Variants in MFNG observed in about 807,000 individuals in gnomAD.
MFNG encodes MFNG O-fucosylpeptide 3-beta-N-acetylglucosaminyltransferase, also known as beta-1,3-N-acetylglucosaminyltransferase manic fringe.
In MFNG, 24 loss-of-function variants were observed where a neutral mutation model predicts 34.2. The observed-to-expected ratio is 0.70, with a 90% CI of 0.51 to 0.99. MFNG has a LOEUF of 0.99. MFNG is among the 50% of genes least tolerant of loss of function. The pLI, the probability that MFNG is intolerant of heterozygous loss-of-function variation, is 0.00. For synonymous variants in MFNG, 158 were observed against 179.2 expected (o/e 0.88, Z 0.94); for missense variants, 383 against 424.0 (o/e 0.90, Z 0.85).
intron 4 of MFNG, 97 bp downstream of exon 4, chr22:37,479,248 A>G (rs1024769721): frequency 1.0e-5 from 14 of 1,359,896 alleles, no homozygotes; most frequent in Non-Finnish European, 1.2e-5. Flanking sequence ...TGAAACCCAG[A>G]ACCCCTCTCA....
chr22:37,481,601 G>A (rs926871950), intron 1 of MFNG, among the ~76,000 whole-genome samples: 2 of 152,222 alleles, frequency 1.3e-5, no homozygotes, highest in Non-Finnish European at 2.9e-5. Context: ...CTGGGGACTG[G>A]TGTTCTTCCC....
chr22:37,475,775 C>G (rs1272017421), intron 5 of MFNG, among the ~76,000 whole-genome samples: 1 of 152,180 alleles, frequency 6.6e-6, no homozygotes, highest in African/African-American at 2.4e-5. Context: ...AGGGCTTTTT[C>G]TAATTCACAC....
chr22:37,481,331 A>T (rs1389941501), intron 1 of MFNG: 1 of 153,528 alleles, frequency 6.5e-6, no homozygotes, highest in Non-Finnish European at 1.5e-5. Context: ...CTTGCCCGCA[A>T]CGACCCTCAA....
intron 1 of MFNG, among the ~76,000 whole-genome samples, chr22:37,481,687 C>G (rs529598973): frequency 2.0e-4 from 30 of 152,294 alleles, no homozygotes; most frequent in African/African-American, 5.8e-4. Flanking sequence ...GCATCAGGGG[C>G]CTTTGAGGGC....
At position 37,483,479 on chromosome 22, in the gene MFNG, G is replaced by A. The variant is rs1268182887; in HGVS notation, c.255+2444C>T. Reference sequence around the variant, plus strand: ...GCTTGGAGCATGGGCCAAATGGGCTGAGGACTGTTTCCCGGTGAAGATCTA... The same window carrying A: ...GCTTGGAGCATGGGCCAAATGGGCTAAGGACTGTTTCCCGGTGAAGATCTA... On this transcript the variant is annotated intron_variant, in intron 1 of 7. Transcript: ENST00000356998. The surrounding 1 kb of genome is among the most constrained non-coding windows in gnomAD (Gnocchi z 4.5). Among the ~76,000 whole-genome samples the A allele has an allele frequency of 6.6e-6, 1 of 151,274 alleles. No homozygotes were observed. The highest frequency in any genetic ancestry group is 6.6e-5 in the Admixed American group (1 of 15,110).
chr22:37,474,426 T>C, intron 6 of MFNG, 86 bp downstream of exon 6: 1 of 1,488,808 alleles, frequency 6.7e-7, no homozygotes, highest in Non-Finnish European at 9.1e-7. Flanking sequence ...CAGGTTTCTT[T>C]CAAACGCCAG....
Position 37,482,452 on chromosome 22 carries a change from C to T in MFNG, c.256-1683G>A, listed in dbSNP as rs940548535. Among the ~76,000 whole-genome samples the T allele has an allele frequency of 2.7e-5, 4 of 150,580 alleles. No homozygotes were observed. Among genetic ancestry groups the T allele is most frequent in the East Asian group, 2.0e-4 (1 of 4,956 alleles). On this transcript the variant is annotated intron_variant, in intron 1 of 7. Coordinates refer to ENST00000356998, the MANE Select transcript of MFNG (RefSeq NM_002405.4). This position sits in a 1 kb window ranked among gnomAD's most constrained non-coding sequence, Gnocchi z 4.1. ...TCTCACACACACACACGCACACACA[C>T]GCACGCATACACACACACACACACA...
In MFNG at chr22:37,472,132, A is replaced by G. The variant is rs150724311; in HGVS notation, c.899+311T>C. On this transcript the variant is annotated intron_variant, in intron 7 of 7. Transcript: ENST00000356998. ...AGCGTTGCCTGTGCTCAGGGAAGGC[A>G]TTTCAGCCTTCCAGGGACTCCCAAA... Among the ~76,000 whole-genome samples, 179 of 152,304 alleles carry G rather than the reference A, an allele frequency of 1.2e-3. 3 individuals carry two copies. In the East Asian group the frequency reaches 0.032, roughly 27 times the overall value.
At chr22:37,471,759 G>A (rs1349735734) in intron 7 of MFNG, among the ~76,000 whole-genome samples, 1 of 151,154 alleles carries the variant, frequency 6.6e-6, no homozygotes, top group Non-Finnish European at 1.5e-5. Flanking sequence ...TGAACCCGGG[G>A]GGCGGAGGTT....
chr22:37,474,365 C>T (rs1921943575), intron 6 of MFNG, 147 bp downstream of exon 6: 13 of 920,828 alleles, frequency 1.4e-5, no homozygotes, highest in Non-Finnish European at 1.9e-5. Context: ...CCACCCTAGG[C>T]CTCAGTTTCC....
Position 37,476,279 on chromosome 22 carries a change from C to T in MFNG, c.647+617G>A, listed in dbSNP as rs188332976. On this transcript the variant is annotated intron_variant, in intron 5 of 7. Coordinates refer to ENST00000356998, the MANE Select transcript of MFNG (RefSeq NM_002405.4). ...ACCCCCACCCACACTGCGGCCTCCACTACCCCTGAGATCCCCTCATAATAT... is the reference window on the plus strand; with the variant it reads ...ACCCCCACCCACACTGCGGCCTCCATTACCCCTGAGATCCCCTCATAATAT... Among the ~76,000 whole-genome samples, 383 of 152,080 alleles carry T rather than the reference C, an allele frequency of 2.5e-3. 3 individuals are homozygous for T. The highest frequency in any genetic ancestry group is 4.2e-3 in the Non-Finnish European group (287 of 67,948).
In MFNG at chr22:37,474,605, C is replaced by T. The variant is rs768564782; in HGVS notation, c.720G>A (p.Glu240=). The part of the protein sequence containing the change: ...PDDCTMGYII[E]CKLGGRLQPS... ...GCTGCAGGCGGCCGCCCAGCTTGCA[C>T]TCAATGATATAGCCCATGGTGCAGT... The change falls in exon 6 of 8, where the codon GAG becomes GAA. Residue 240 remains glutamate (E), a synonymous_variant. Transcript: ENST00000356998. 1 of 1,614,098 alleles carries T rather than the reference C, an allele frequency of 6.2e-7. No homozygotes were observed. The highest frequency in any genetic ancestry group is 2.2e-5 in the East Asian group (1 of 44,878).
chr22:37,477,117 C>T (rs1302612049), intron 4 of MFNG, 136 bp from the exon 5 acceptor site: 4 of 710,008 alleles, frequency 5.6e-6, no homozygotes, highest in African/African-American at 1.8e-5. Flanking sequence ...AGTCTTGCTA[C>T]AACCTGGCAT....
intron 7 of MFNG, among the ~76,000 whole-genome samples, chr22:37,470,757 C>T (rs996270464): frequency 2.0e-5 from 3 of 152,170 alleles, no homozygotes; most frequent in Admixed American, 6.5e-5. Context: ...GCATCACAAG[C>T]GTCCAGACAG....
At position 37,485,371 on chromosome 22, in the gene MFNG, C is replaced by A. The variant is rs1289827360; in HGVS notation, c.255+552G>T. ...CACACCCGGGGCAGCAGAGACACAG[C>A]GGCAGGGGCTATCGGGAAGGCCGAA... On this transcript the variant is annotated intron_variant, in intron 1 of 7. Transcript: ENST00000356998. This position sits in a 1 kb window ranked among gnomAD's most constrained non-coding sequence, Gnocchi z 5.3. Among the ~76,000 whole-genome samples, 1 of 152,216 alleles carries A rather than the reference C, an allele frequency of 6.6e-6. No homozygotes were observed. The highest frequency in any genetic ancestry group is 6.5e-5 in the Admixed American group (1 of 15,290).
At chr22:37,481,358 G>C (rs79907338) in intron 1 of MFNG, 1 of 153,128 alleles carries the variant, frequency 6.5e-6, no homozygotes, top group Non-Finnish European at 1.5e-5. Context: ...CGAGGCAGGC[G>C]TTGTCATCTG....
At chr22:37,473,863 C>T (rs1921918707) in intron 6 of MFNG, among the ~76,000 whole-genome samples, 1 of 152,240 alleles carries the variant, frequency 6.6e-6, no homozygotes, top group Admixed American at 6.5e-5. Flanking sequence ...TTCTGTCACA[C>T]TGTTGGGCAG....
At chr22:37,471,274 C>T (rs749384488) in intron 7 of MFNG, among the ~76,000 whole-genome samples, 1 of 152,366 alleles carries the variant, frequency 6.6e-6, no homozygotes, top group Non-Finnish European at 1.5e-5. Context: ...TTCCCAGACC[C>T]ATTGCATGTC....
chr22:37,474,724 C>A, intron 5 of MFNG, 47 bp from the exon 6 acceptor site: 1 of 1,535,854 alleles, frequency 6.5e-7, no homozygotes. Context: ...GCCCTCCACA[C>A]CCAGAGCCGT....
Sources: gnomAD v4.1 joint callset for allele counts (sites outside exome capture counted in the v4.1 genomes callset) on GRCh38, gnomAD v4.1.1 for gene constraint, Gnocchi (gnomAD v3.1) non-coding constraint, MANE v1.5 for transcripts, NCBI Gene and HGNC (gene_info 2026-07-23, HGNC 2026-07-21) for gene names.